The following FILIP1 variants were observed in gnomAD, a reference collection of about 807,000 sequenced individuals.
FILIP1 encodes filamin-A-interacting protein 1.
In FILIP1, 61 loss-of-function variants were observed where a neutral mutation model predicts 102.1. That is an observed-to-expected ratio of 0.60 (90% CI 0.49 to 0.74). The LOEUF is 0.74. Among genes scored for constraint, FILIP1 ranks in the 30% least tolerant of loss-of-function variants. FILIP1 has a pLI of 0.00. For synonymous variants in FILIP1, 491 were observed against 526.9 expected (o/e 0.93, Z 0.93); for missense variants, 1,314 against 1,441.2 (o/e 0.91, Z 1.43).
intron 6 of FILIP1, chr6:75,296,972 T>C (rs1346751779): frequency 6.6e-6 from 1 of 152,152 alleles, no homozygotes; most frequent in Non-Finnish European, 1.5e-5. Flanking sequence ...CTGTATACTG[T>C]GCTAGGTAGG....
intron 1 of FILIP1, among the ~76,000 whole-genome samples, chr6:75,486,642 A>G (rs926897304): frequency 6.6e-6 from 1 of 152,116 alleles, no homozygotes; most frequent in Non-Finnish European, 1.5e-5. Flanking sequence ...CTGGATTTGG[A>G]TTTTAAATCT....
chr6:75,493,175 C>T (rs1780014216), intron 1 of FILIP1, among the ~76,000 whole-genome samples: 1 of 152,148 alleles, frequency 6.6e-6, no homozygotes, highest in South Asian at 2.1e-4. Flanking sequence ...ATTTTGATGT[C>T]TACTAAAACA....
chr6:75,464,015 A>T (rs1042684384), intron 1 of FILIP1, among the ~76,000 whole-genome samples: 19 of 152,320 alleles, frequency 1.2e-4, no homozygotes, highest in Non-Finnish European at 2.6e-4. Flanking sequence ...ATGATGTCTA[A>T]ATATTTAGAA....
At chr6:75,416,031 C>T (rs1777257512) in intron 1 of FILIP1, among the ~76,000 whole-genome samples, 1 of 152,116 alleles carries the variant, frequency 6.6e-6, no homozygotes, top group Non-Finnish European at 1.5e-5. Flanking sequence ...AGCTCATGGG[C>T]TTATTTAAAA....
intron 1 of FILIP1, among the ~76,000 whole-genome samples, chr6:75,481,643 T>A (rs558685562): frequency 6.6e-6 from 1 of 152,180 alleles, no homozygotes; most frequent in Non-Finnish European, 1.5e-5. Flanking sequence ...CTTGAACCAC[T>A]CTAACATCTG....
chr6:75,376,339 T>C (rs1425543670), intron 2 of FILIP1, among the ~76,000 whole-genome samples: 1 of 152,090 alleles, frequency 6.6e-6, no homozygotes, highest in African/African-American at 2.4e-5. Context: ...CTCTGAACTG[T>C]TTCTTTGTCT....
intron 3 of FILIP1, 76 bp from the exon 4 acceptor site, chr6:75,353,793 G>C: frequency 2.1e-6 from 3 of 1,444,788 alleles, no homozygotes; most frequent in South Asian, 1.3e-5. Flanking sequence ...TGTTGACATG[G>C]GTCTAGTGAC....
At chr6:75,478,646 G>A (rs929681906) in intron 1 of FILIP1, among the ~76,000 whole-genome samples, 54 of 152,138 alleles carry the variant, frequency 3.5e-4, no homozygotes, top group African/African-American at 1.3e-3. Context: ...ATTCTAGGAA[G>A]ATATGAGCCA....
At chr6:75,399,195 G>C (rs555052130) in intron 2 of FILIP1, 1 of 152,306 alleles carries the variant, frequency 6.6e-6, no homozygotes, top group Admixed American at 6.5e-5. Context: ...GCATGAAAAA[G>C]AGCAAGATGC....
Position 75,314,644 on chromosome 6 carries a change from C to T in FILIP1, c.1188G>A (p.Glu396=), listed in dbSNP as rs55780050. Residue 396 remains glutamate, a synonymous_variant, in exon 5 of 6, where the codon GAG becomes GAA. Transcript: ENST00000237172. The part of the protein sequence containing the change: ...RVLEMEGKDE[E]ITKTESQCRE... ...TACACTGGGATTCAGTTTTAGTGAT[C>T]TCCTCATCTTTACCTTCCATTTCAA... The T allele has an allele frequency of 1.5e-3, 2,362 of 1,613,550 alleles. 5 individuals carry two copies. The highest frequency in any genetic ancestry group is 1.9e-3 in the Non-Finnish European group (2,262 of 1,179,900).
intron 4 of FILIP1, among the ~76,000 whole-genome samples, chr6:75,323,177 T>C (rs1773721393): frequency 6.6e-6 from 1 of 152,214 alleles, no homozygotes; most frequent in Admixed American, 6.5e-5. Flanking sequence ...ATAATGGCAA[T>C]TGGATTAAAA....
At chr6:75,317,299 C>G (rs1276273780) in intron 4 of FILIP1, among the ~76,000 whole-genome samples, 2 of 152,126 alleles carry the variant, frequency 1.3e-5, no homozygotes. Flanking sequence ...CCTTGAGAAG[C>G]AGGATATAAA....
chr6:75,322,633 T>G (rs1039862132), intron 4 of FILIP1, among the ~76,000 whole-genome samples: 1 of 152,118 alleles, frequency 6.6e-6, no homozygotes, highest in Non-Finnish European at 1.5e-5. Flanking sequence ...TTTTAAATTG[T>G]TATTGCCTTT....
intron 1 of FILIP1, among the ~76,000 whole-genome samples, chr6:75,432,168 C>A (rs1294193156): frequency 6.6e-6 from 1 of 152,198 alleles, no homozygotes; most frequent in Admixed American, 6.5e-5. Context: ...CCATACCCTA[C>A]ATATGAATGT....
chr6:75,415,642 G>T (rs188987556), intron 1 of FILIP1, among the ~76,000 whole-genome samples: 7 of 151,552 alleles, frequency 4.6e-5, no homozygotes, highest in Admixed American at 1.3e-4. Flanking sequence ...AGTGATATGC[G>T]ATTCTATTTT....
intron 2 of FILIP1, among the ~76,000 whole-genome samples, chr6:75,402,506 A>G (rs1776693520): frequency 6.6e-6 from 1 of 152,186 alleles, no homozygotes; most frequent in South Asian, 2.1e-4. Context: ...TGAGTCATCA[A>G]TTTAAAAAGC....
chr6:75,459,341 A>G (rs141396732), intron 1 of FILIP1, among the ~76,000 whole-genome samples: 175 of 152,314 alleles, frequency 1.1e-3, no homozygotes, highest in African/African-American at 4.0e-3. Flanking sequence ...ACTAGTATGA[A>G]TTGTTGGCAG....
intron 4 of FILIP1, among the ~76,000 whole-genome samples, chr6:75,331,555 A>G (rs530129153): frequency 6.6e-6 from 1 of 152,180 alleles, no homozygotes; most frequent in South Asian, 2.1e-4. Flanking sequence ...ACTTGGGGAC[A>G]CCCAAGGATG....
At chr6:75,360,696 A>G (rs929398279) in intron 3 of FILIP1, 11 of 152,222 alleles carry the variant, frequency 7.2e-5, no homozygotes, top group Non-Finnish European at 1.5e-4. Context: ...GGTCCACTGT[A>G]CTGGGTTCAT....
Sources: allele counts gnomAD v4.1 joint callset (sites outside exome capture counted in the v4.1 genomes callset), GRCh38; gene constraint gnomAD v4.1.1; transcripts MANE v1.5; gene names NCBI Gene and HGNC (gene_info 2026-07-23, HGNC 2026-07-21).